The following PARD3 variants were observed in gnomAD, a reference collection of about 807,000 sequenced individuals.
The protein encoded by PARD3 is par-3 family cell polarity regulator, also known as partitioning defective 3 homolog.
A neutral mutation model predicts 155.4 loss-of-function variants in PARD3; 75 were observed. The ratio of observed to expected loss-of-function variants is 0.48; its 90% confidence interval spans 0.40 to 0.58. The LOEUF is 0.58. Among genes scored for constraint, PARD3 ranks in the 20% least tolerant of loss-of-function variants. The pLI is 0.00. For missense variants in PARD3, 1,642 were observed against 1,721.7 expected (o/e 0.95, Z 0.82); for synonymous variants, 576 against 610.5 (o/e 0.94, Z 0.83).
chr10:34,293,811 G>A (rs193225740), intron 20 of PARD3, among the ~76,000 whole-genome samples: 96 of 152,296 alleles, frequency 6.3e-4, no homozygotes, highest in African/African-American at 2.3e-3. Flanking sequence ...CTCAAGTGAT[G>A]AGAAGGGTCA....
At chr10:34,383,688 ATCTGAATACAACCCAATATTG>A in intron 8 of PARD3, among the ~76,000 whole-genome samples, 1 of 132,596 alleles carries the variant, frequency 7.5e-6, no homozygotes, top group Admixed American at 7.6e-5. Flanking sequence ...GATAAAGTGT[ATCTGAATACAACCCAATATTG>A]TATCTGAATA....
chr10:34,680,834 T>G (rs1590612223), intron 2 of PARD3, among the ~76,000 whole-genome samples: 2 of 59,768 alleles, frequency 3.3e-5, no homozygotes, highest in African/African-American at 1.4e-4. Context: ...GGGACTGTGG[T>G]GGGGTGGGGG....
At chr10:34,558,183 C>T (rs1009896840) in intron 2 of PARD3, among the ~76,000 whole-genome samples, 7 of 151,920 alleles carry the variant, frequency 4.6e-5, no homozygotes, top group African/African-American at 1.7e-4. Flanking sequence ...AAGTTGAATA[C>T]GTAATTATAT....
intron 4 of PARD3, among the ~76,000 whole-genome samples, chr10:34,451,110 T>C (rs879801661): frequency 6.6e-6 from 1 of 152,184 alleles, no homozygotes; most frequent in Non-Finnish European, 1.5e-5. Context: ...CATAAATATT[T>C]ATCAACTAAG....
At position 34,572,336 on chromosome 10, in the gene PARD3, G is replaced by C. The variant is rs781152922; in HGVS notation, c.223-55177C>G. On this transcript the variant is annotated intron_variant, in intron 2 of 24. Coordinates refer to ENST00000374788, the MANE Select transcript of PARD3 (RefSeq NM_001184785.2). ...AGTATGGGCAACACAGTGAGACCCT[G>C]TCTCATTAAAACCTAAAGAGGTGCA... Among the ~76,000 whole-genome samples, 5 of 151,880 alleles carry C rather than the reference G, an allele frequency of 3.3e-5. No homozygotes were observed. In the East Asian group the frequency reaches 9.7e-4, roughly 29 times the overall value.
chr10:34,765,415 C>T (rs1159369083), intron 1 of PARD3, among the ~76,000 whole-genome samples: 1 of 152,052 alleles, frequency 6.6e-6, no homozygotes, highest in Non-Finnish European at 1.5e-5. Context: ...CAGTGGCTCA[C>T]ACCTGTAATC....
intron 2 of PARD3, among the ~76,000 whole-genome samples, chr10:34,685,157 A>G (rs1054143129): frequency 2.0e-5 from 3 of 152,206 alleles, no homozygotes; most frequent in Admixed American, 6.5e-5. Context: ...TCAAGTATTC[A>G]TCAGAAGACA....
chr10:34,261,181 A>C (rs1426070172), intron 22 of PARD3, among the ~76,000 whole-genome samples: 1 of 152,202 alleles, frequency 6.6e-6, no homozygotes, highest in African/African-American at 2.4e-5. Flanking sequence ...GACAGTCAGC[A>C]AATGTCCATT....
chr10:34,630,366 C>T (rs1414322921), intron 2 of PARD3, among the ~76,000 whole-genome samples: 2 of 152,164 alleles, frequency 1.3e-5, no homozygotes, highest in Admixed American at 6.5e-5. Flanking sequence ...GGTTCCCAAC[C>T]TCCAAACACC....
chr10:34,635,337 C>T (rs1432117278), intron 2 of PARD3, among the ~76,000 whole-genome samples: 4 of 152,204 alleles, frequency 2.6e-5, no homozygotes, highest in South Asian at 2.1e-4. Flanking sequence ...CCTGTCTGAG[C>T]GAGAGATGCC....
chr10:34,457,854 G>T (rs1265251337), intron 4 of PARD3, among the ~76,000 whole-genome samples: 4 of 152,146 alleles, frequency 2.6e-5, no homozygotes, highest in African/African-American at 9.7e-5. Context: ...TCCTGCCTAA[G>T]CCTCCCAAAG....
intron 20 of PARD3, among the ~76,000 whole-genome samples, chr10:34,285,268 C>T (rs897316909): frequency 1.3e-5 from 2 of 152,078 alleles, no homozygotes; most frequent in Non-Finnish European, 2.9e-5. Context: ...AATTTCATAT[C>T]GAAAAAGAGG....
intron 2 of PARD3, among the ~76,000 whole-genome samples, chr10:34,566,347 C>A (rs114957434): frequency 0.014 from 2,063 of 152,278 alleles, 53 homozygotes; most frequent in African/African-American, 0.046. Flanking sequence ...CAGCAAAACA[C>A]AGATTTTGAC....
chr10:34,714,841 C>T (rs1042830154), intron 1 of PARD3, among the ~76,000 whole-genome samples: 1 of 149,396 alleles, frequency 6.7e-6, no homozygotes, highest in African/African-American at 2.5e-5. Context: ...GTGGTGCATT[C>T]TTGGTTCACT....
intron 19 of PARD3, among the ~76,000 whole-genome samples, chr10:34,318,352 G>A (rs916293111): frequency 2.0e-5 from 3 of 152,124 alleles, no homozygotes; most frequent in African/African-American, 7.2e-5. Context: ...GGGGCCATAA[G>A]GTTAATTACT....
chr10:34,443,148 A>G (rs942319490), intron 5 of PARD3, among the ~76,000 whole-genome samples: 1 of 152,188 alleles, frequency 6.6e-6, no homozygotes, highest in Non-Finnish European at 1.5e-5. Flanking sequence ...GCTAAAACCT[A>G]GGCAAAACTT....
chr10:34,810,038 T>G (rs1325280572), intron 1 of PARD3, among the ~76,000 whole-genome samples: 1 of 152,138 alleles, frequency 6.6e-6, no homozygotes, highest in Admixed American at 6.5e-5. Flanking sequence ...ATCAACAGTC[T>G]CCCGCCACCA....
chr10:34,194,891 A>C (rs1294511031), intron 22 of PARD3, among the ~76,000 whole-genome samples: 2 of 152,262 alleles, frequency 1.3e-5, no homozygotes, highest in Non-Finnish European at 2.9e-5. Context: ...ATGTATTAGC[A>C]AAAGTAAAAT....
At chr10:34,291,224 C>A (rs1257839121) in intron 20 of PARD3, among the ~76,000 whole-genome samples, 1 of 152,220 alleles carries the variant, frequency 6.6e-6, no homozygotes, top group Non-Finnish European at 1.5e-5. Flanking sequence ...TCCTACTACA[C>A]TCTTGTCCAT....
Sources: gnomAD v4.1 joint callset for allele counts (sites outside exome capture counted in the v4.1 genomes callset) on GRCh38, gnomAD v4.1.1 for gene constraint, MANE v1.5 for transcripts, NCBI Gene and HGNC (gene_info 2026-07-23, HGNC 2026-07-21) for gene names.